SYT9: variants seen among roughly 807,000 people sequenced by gnomAD.
SYT9 encodes synaptotagmin-9.
Under a neutral mutation model 48.4 loss-of-function variants are expected in SYT9, and 22 were observed. The observed-to-expected ratio is 0.45, with a 90% CI of 0.32 to 0.65. The LOEUF (loss-of-function observed/expected upper bound fraction) is 0.65. Ranked by LOEUF, SYT9 falls within the 30% of genes least tolerant of loss-of-function variation. The probability of loss-of-function intolerance (pLI) is 0.03; values close to 1 mark genes in which losing one functional copy is unlikely to be tolerated. For missense variants in SYT9, 577 were observed against 622.0 expected, an observed-to-expected ratio of 0.93 and a Z score of 0.77; for synonymous variants, 265 against 245.0, an observed-to-expected ratio of 1.08 and a Z score of -0.76.
At chr11:7,371,037 A>G (rs1379821831) in intron 3 of SYT9, among the ~76,000 whole-genome samples, 3 of 152,072 alleles carry the variant, frequency 2.0e-5, no homozygotes, top group Non-Finnish European at 2.9e-5. Flanking sequence ...ACTTTGATAG[A>G]CTTTTGTACT....
intron 1 of SYT9, among the ~76,000 whole-genome samples, chr11:7,263,043 G>T (rs1183480863): frequency 6.6e-6 from 1 of 152,120 alleles, no homozygotes; most frequent in Non-Finnish European, 1.5e-5. Flanking sequence ...GATATCCTTG[G>T]TTGAGAAGTT....
At chr11:7,256,037 G>A (rs1206749179) in intron 1 of SYT9, among the ~76,000 whole-genome samples, 1 of 152,126 alleles carries the variant, frequency 6.6e-6, no homozygotes. Flanking sequence ...TGGTCAAAAA[G>A]CATTAGTCTT....
At chr11:7,268,869 C>T (rs140049023) in intron 1 of SYT9, among the ~76,000 whole-genome samples, 203 of 152,176 alleles carry the variant, frequency 1.3e-3, no homozygotes, top group Non-Finnish European at 2.3e-3. Context: ...CAGGAAGTTT[C>T]CTCATATCCA....
chr11:7,304,342 A>G (rs1208189501), intron 2 of SYT9, among the ~76,000 whole-genome samples: 1 of 152,228 alleles, frequency 6.6e-6, no homozygotes, highest in Non-Finnish European at 1.5e-5. Flanking sequence ...CTGGATATAA[A>G]AACTCATTTT....
intron 2 of SYT9, 62 bp from the exon 3 acceptor site, chr11:7,313,333 G>A: frequency 6.6e-7 from 1 of 1,513,672 alleles, no homozygotes; most frequent in Non-Finnish European, 8.8e-7. Flanking sequence ...CCAGGCAAAA[G>A]TTTCTGAGAG....
At chr11:7,446,248 T>C (rs11606546) in intron 6 of SYT9, among the ~76,000 whole-genome samples, 1 of 152,224 alleles carries the variant, frequency 6.6e-6, no homozygotes, top group Non-Finnish European at 1.5e-5. Context: ...ATGGTTATCG[T>C]TGGAAGGACT....
At chr11:7,285,766 C>G (rs1156977386) in intron 1 of SYT9, among the ~76,000 whole-genome samples, 2 of 152,170 alleles carry the variant, frequency 1.3e-5, no homozygotes, top group African/African-American at 4.8e-5. Flanking sequence ...GAAAATACAC[C>G]CATTTCAAAT....
At chr11:7,271,247 G>C (rs1338872212) in intron 1 of SYT9, among the ~76,000 whole-genome samples, 1 of 152,048 alleles carries the variant, frequency 6.6e-6, no homozygotes, top group Non-Finnish European at 1.5e-5. Context: ...CTTTCATCCT[G>C]ATAGGTGCCT....
chr11:7,368,620 G>A (rs1031250690), intron 3 of SYT9, among the ~76,000 whole-genome samples: 1 of 152,156 alleles, frequency 6.6e-6, no homozygotes, highest in East Asian at 1.9e-4. Context: ...GCAGTGTTTG[G>A]TTTTCTGTTC....
At chr11:7,352,671 C>G (rs1445929651) in intron 3 of SYT9, among the ~76,000 whole-genome samples, 2 of 152,196 alleles carry the variant, frequency 1.3e-5, no homozygotes, top group Non-Finnish European at 2.9e-5. Flanking sequence ...AATAATATGA[C>G]ATGTGCTCCC....
At chr11:7,279,985 A>G (rs1848465125) in intron 1 of SYT9, among the ~76,000 whole-genome samples, 1 of 152,224 alleles carries the variant, frequency 6.6e-6, no homozygotes, top group African/African-American at 2.4e-5. Flanking sequence ...GCAATGAGGC[A>G]TACTGAAAGA....
At chr11:7,360,431 A>G (rs1388384751) in intron 3 of SYT9, among the ~76,000 whole-genome samples, 3 of 152,166 alleles carry the variant, frequency 2.0e-5, no homozygotes. Context: ...GAATGTATAA[A>G]TTACCTTGGG....
chr11:7,362,137 A>ATTTTATTTTT (rs1850148813), intron 3 of SYT9, among the ~76,000 whole-genome samples: 1 of 128,976 alleles, frequency 7.8e-6, no homozygotes. Flanking sequence ...TTTTTATTTT[A>ATTTTATTTTT]TTTTATTTTT....
chr11:7,280,763 CTATA>C (rs1848478942), intron 1 of SYT9, among the ~76,000 whole-genome samples: 3 of 104,290 alleles, frequency 2.9e-5, no homozygotes, highest in African/African-American at 1.1e-4. Flanking sequence ...GATGTAAGTA[CTATA>C]GATGTAAGTA....
chr11:7,255,533 G>T (rs1188211282), intron 1 of SYT9, among the ~76,000 whole-genome samples: 1 of 152,176 alleles, frequency 6.6e-6, no homozygotes, highest in Non-Finnish European at 1.5e-5. Context: ...CCAGACAGAG[G>T]TGATAGTGAC....
rs1435870546 is a variant in SYT9 at position 7,466,805 on chromosome 11, G to A, written c.*5G>A. Reference sequence around the variant, plus strand: ...TTCTTCCTGCAGAAACGATGACCATGGGTAAGAGGACTGCTTGTGCCAAGG... The same window carrying A: ...TTCTTCCTGCAGAAACGATGACCATAGGTAAGAGGACTGCTTGTGCCAAGG... On this transcript the variant is annotated 3_prime_UTR_variant, in exon 7 of 7. Transcript: ENST00000318881. 2 of 1,613,020 alleles carry A rather than the reference G, an allele frequency of 1.2e-6. No homozygotes were observed. Among genetic ancestry groups the A allele is most frequent in the Non-Finnish European group, 1.7e-6 (2 of 1,179,794 alleles).
intron 3 of SYT9, among the ~76,000 whole-genome samples, chr11:7,359,976 T>G (rs980898035): frequency 4.0e-5 from 6 of 151,688 alleles, no homozygotes; most frequent in African/African-American, 1.5e-4. Context: ...AGGGTTTTTA[T>G]GGTTTTAGGT....
intron 1 of SYT9, among the ~76,000 whole-genome samples, chr11:7,255,333 G>A (rs1015331874): frequency 2.9e-5 from 1 of 34,774 alleles, no homozygotes; most frequent in Admixed American, 3.3e-4. Context: ...GATAAGACGT[G>A]TATGGTCAAG....
chr11:7,341,315 T>G (rs77479811), intron 3 of SYT9, among the ~76,000 whole-genome samples: 7,062 of 152,268 alleles, frequency 0.046, 298 homozygotes, highest in African/African-American at 0.11. Context: ...GCGTTGGCTG[T>G]GTCCCCACCT....
Sources: gnomAD v4.1 joint callset for allele counts (sites outside exome capture counted in the v4.1 genomes callset) on GRCh38, gnomAD v4.1.1 for gene constraint, MANE v1.5 for transcripts, NCBI Gene and HGNC (gene_info 2026-07-23, HGNC 2026-07-21) for gene names.